The following AKAP13 variants were observed in gnomAD, a reference collection of about 807,000 sequenced individuals.
AKAP13 encodes the protein A-kinase anchoring protein 13.
Under a neutral mutation model 264.5 loss-of-function variants are expected in AKAP13, and 80 were observed. The observed-to-expected ratio is 0.30, with a 90% CI of 0.25 to 0.36. The LOEUF is 0.36. AKAP13 is among the 10% of genes least tolerant of loss of function. AKAP13 has a pLI of 1.00. For synonymous variants in AKAP13, 1,380 were observed against 1,250.2 expected (o/e 1.10, Z -2.19); for missense variants, 3,712 against 3,435.2 (o/e 1.08, Z -2.01).
intron 16 of AKAP13, among the ~76,000 whole-genome samples, chr15:85,688,048 AAGAG>A (rs1228887941): frequency 2.6e-3 from 227 of 88,206 alleles, no homozygotes; most frequent in East Asian, 6.2e-3. Flanking sequence ...AAAAAAAAAA[AAGAG>A]AGAGAGAGGA....
intron 15 of AKAP13, chr15:85,683,552 C>T (rs1385305285): frequency 2.0e-5 from 3 of 152,236 alleles, no homozygotes; most frequent in African/African-American, 7.2e-5. Flanking sequence ...TCACTGCACC[C>T]TCCACCTCCC....
chr15:85,679,819 GTTTCA>G (rs1380571878), intron 14 of AKAP13, among the ~76,000 whole-genome samples: 2 of 152,008 alleles, frequency 1.3e-5, no homozygotes, highest in African/African-American at 4.8e-5. Context: ...GTTTCGTTTC[GTTTCA>G]TTTATTTTGT....
intron 1 of AKAP13, among the ~76,000 whole-genome samples, chr15:85,385,985 C>T (rs971223249): frequency 4.6e-5 from 7 of 151,886 alleles, no homozygotes; most frequent in African/African-American, 1.7e-4. Flanking sequence ...ACCACCACAC[C>T]CAGCTAATTT....
intron 1 of AKAP13, among the ~76,000 whole-genome samples, chr15:85,382,343 G>GTC (rs2070325814): frequency 6.6e-6 from 1 of 152,034 alleles, no homozygotes; most frequent in Non-Finnish European, 1.5e-5. Context: ...TGGGCCTTGT[G>GTC]TTATAAAACC....
At chr15:85,686,191 A>ATGTGTG (rs55994240) in intron 16 of AKAP13, among the ~76,000 whole-genome samples, 30,047 of 151,350 alleles carry the variant, frequency 0.2, 3,539 homozygotes, top group Non-Finnish European at 0.26. Context: ...ACGTGCATGC[A>ATGTGTG]TGTGTGTGTG....
chr15:85,644,626 G>A (rs995117653), intron 9 of AKAP13, among the ~76,000 whole-genome samples: 3 of 147,228 alleles, frequency 2.0e-5, no homozygotes, highest in African/African-American at 7.6e-5. Flanking sequence ...GAGGCAGGTG[G>A]ATCACATGGT....
intron 8 of AKAP13, among the ~76,000 whole-genome samples, chr15:85,625,483 G>C (rs1224617587): frequency 6.6e-6 from 1 of 152,118 alleles, no homozygotes; most frequent in African/African-American, 2.4e-5. Context: ...TTTGAATCAC[G>C]TTTGGAAAAG....
At chr15:85,533,208 C>G (rs2077295148) in intron 3 of AKAP13, among the ~76,000 whole-genome samples, 1 of 152,170 alleles carries the variant, frequency 6.6e-6, no homozygotes, top group African/African-American at 2.4e-5. Flanking sequence ...AGTTCAGTAG[C>G]TATTGGACTT....
intron 8 of AKAP13, among the ~76,000 whole-genome samples, chr15:85,597,755 A>G (rs1238294270): frequency 2.6e-5 from 4 of 152,120 alleles, no homozygotes; most frequent in Non-Finnish European, 5.9e-5. Context: ...TTTCCTGAGC[A>G]TGGCATCTTT....
At chr15:85,640,194 C>A (rs74025646) in intron 9 of AKAP13, among the ~76,000 whole-genome samples, 2,723 of 152,310 alleles carry the variant, frequency 0.018, 82 homozygotes, top group African/African-American at 0.062. Flanking sequence ...TAGCCTGTCT[C>A]ATTTTGAGGG....
At chr15:85,666,980 T>G (rs909108699) in intron 13 of AKAP13, among the ~76,000 whole-genome samples, 18 of 152,216 alleles carry the variant, frequency 1.2e-4, no homozygotes, top group African/African-American at 4.3e-4. Flanking sequence ...GAAGACTGAT[T>G]AATTTACGAA....
At position 85,579,707 on chromosome 15, in the gene AKAP13, A is replaced by C. The variant is rs148675365; in HGVS notation, c.1639A>C (p.Lys547Gln). ...APAASSLDGN[K>Q]PAESSLAFSN... Reference sequence around the variant, plus strand: ...TGCTGCCAGTTCCCTGGATGGTAACAAACCTGCTGAGTCTTCACTTGCATT... The same window carrying C: ...TGCTGCCAGTTCCCTGGATGGTAACCAACCTGCTGAGTCTTCACTTGCATT... Residue 547 changes from lysine to glutamine, a missense_variant, in exon 7 of 37, where the codon AAA (lysine) becomes CAA (glutamine). Physicochemically the swap from Lys to Gln is moderately conservative, Grantham distance 53 (BLOSUM62 1). Transcript: ENST00000394518. 18 of 1,614,224 alleles carry C rather than the reference A, an allele frequency of 1.1e-5. No homozygotes were observed. In the African/African-American group the frequency reaches 1.3e-4, roughly 12 times the overall value.
At chr15:85,608,741 T>C (rs1037561925) in intron 8 of AKAP13, among the ~76,000 whole-genome samples, 1 of 152,212 alleles carries the variant, frequency 6.6e-6, no homozygotes, top group Non-Finnish European at 1.5e-5. Flanking sequence ...ATATTCTGAT[T>C]GTGGAACCTT....
intron 5 of AKAP13, among the ~76,000 whole-genome samples, chr15:85,559,795 C>A (rs914754788): frequency 7.7e-6 from 1 of 129,692 alleles, no homozygotes; most frequent in East Asian, 2.1e-4. Context: ...CCTGCACTTA[C>A]TTCCTACTGT....
chr15:85,661,269 TC>T (rs1390590653), intron 12 of AKAP13, among the ~76,000 whole-genome samples: 1 of 152,216 alleles, frequency 6.6e-6, no homozygotes, highest in Non-Finnish European at 1.5e-5. Flanking sequence ...CCCCAGATTT[TC>T]TGTCCTTGCT....
intron 1 of AKAP13, among the ~76,000 whole-genome samples, chr15:85,386,569 G>A (rs547540100): frequency 1.6e-3 from 240 of 152,238 alleles, no homozygotes; most frequent in Middle Eastern, 6.8e-3. Flanking sequence ...GATTACAGGC[G>A]TGAGCTATTG....
chr15:85,388,012 C>T (rs1037556965), intron 1 of AKAP13, among the ~76,000 whole-genome samples: 5 of 148,252 alleles, frequency 3.4e-5, no homozygotes, highest in African/African-American at 7.4e-5. Flanking sequence ...TTGATTTCTT[C>T]GTTTTCACTT....
At chr15:85,519,336 C>T (rs72756503) in intron 2 of AKAP13, among the ~76,000 whole-genome samples, 13,575 of 152,108 alleles carry the variant, frequency 0.089, 804 homozygotes, top group Non-Finnish European at 0.14. Context: ...ACCCCCACAC[C>T]CGCCCCCACA....
At chr15:85,500,945 A>G (rs1200435966) in intron 2 of AKAP13, among the ~76,000 whole-genome samples, 1 of 152,210 alleles carries the variant, frequency 6.6e-6, no homozygotes, top group African/African-American at 2.4e-5. Flanking sequence ...TTTTGTCCAC[A>G]GAAGGAAATG....
Sources: gnomAD v4.1 joint callset for allele counts (sites outside exome capture counted in the v4.1 genomes callset) on GRCh38, gnomAD v4.1.1 for gene constraint, MANE v1.5 for transcripts, NCBI Gene and HGNC (gene_info 2026-07-23, HGNC 2026-07-21) for gene names.